Variants in GAB2 observed in about 807,000 individuals in gnomAD.
GAB2 encodes GRB2 associated binding protein 2.
A neutral mutation model predicts 65.5 loss-of-function variants in GAB2; 26 were observed. That is an observed-to-expected ratio of 0.40 (90% confidence interval 0.29 to 0.55). The LOEUF is 0.55. Ranked by LOEUF, GAB2 falls within the 20% of genes least tolerant of loss-of-function variation. The pLI, the probability that GAB2 is intolerant of heterozygous loss-of-function variation, is 0.53. For synonymous variants in GAB2, 321 were observed against 329.6 expected (o/e 0.97, Z 0.28); for missense variants, 884 against 875.8 (o/e 1.01, Z -0.12).
intron 1 of GAB2, among the ~76,000 whole-genome samples, chr11:78,307,767 T>G (rs1289939245): frequency 2.6e-5 from 4 of 152,232 alleles, no homozygotes; most frequent in African/African-American, 9.7e-5. Flanking sequence ...GAGTTATTTT[T>G]TAATACAAAA....
At chr11:78,352,035 A>C (rs1215343810) in intron 1 of GAB2, among the ~76,000 whole-genome samples, 1 of 152,160 alleles carries the variant, frequency 6.6e-6, no homozygotes, top group African/African-American at 2.4e-5. Flanking sequence ...AGCACGGTGA[A>C]ACCCCGCCTC....
chr11:78,233,638 ACT>A (rs1399151879), intron 3 of GAB2, among the ~76,000 whole-genome samples: 1 of 151,782 alleles, frequency 6.6e-6, no homozygotes, highest in Non-Finnish European at 1.5e-5. Context: ...AGTCTTGCTC[ACT>A]CTGTCGCCCA....
chr11:78,373,591 A>T (rs1454787245), intron 1 of GAB2, among the ~76,000 whole-genome samples: 1 of 152,236 alleles, frequency 6.6e-6, no homozygotes, highest in East Asian at 1.9e-4. Flanking sequence ...AAAAAAGGTC[A>T]AAGTTTCTAA....
intron 2 of GAB2, among the ~76,000 whole-genome samples, chr11:78,268,565 AC>A (rs1204158871): frequency 9.2e-5 from 14 of 152,092 alleles, no homozygotes; most frequent in African/African-American, 3.4e-4. Flanking sequence ...GAAGCACTCA[AC>A]CAAAAAAGTA....
At chr11:78,250,462 G>C in intron 2 of GAB2, 62 bp from the exon 3 acceptor site, 1 of 1,448,330 alleles carries the variant, frequency 6.9e-7, no homozygotes, top group Non-Finnish European at 9.7e-7. Context: ...ATCCCAAAGT[G>C]AGTTGTCAGA....
intron 1 of GAB2, among the ~76,000 whole-genome samples, chr11:78,365,180 G>A (rs1426077320): frequency 6.6e-6 from 1 of 152,146 alleles, no homozygotes; most frequent in Non-Finnish European, 1.5e-5. Context: ...ACTAGACACA[G>A]ACAAGAAAAT....
At chr11:78,314,574 C>T (rs149940831) in intron 1 of GAB2, among the ~76,000 whole-genome samples, 98 of 152,306 alleles carry the variant, frequency 6.4e-4, no homozygotes, top group African/African-American at 2.1e-3. Context: ...TAAAACAAGT[C>T]TTCCCTGTCA....
At chr11:78,354,264 G>A (rs2134708617) in intron 1 of GAB2, among the ~76,000 whole-genome samples, 1 of 152,268 alleles carries the variant, frequency 6.6e-6, no homozygotes, top group Non-Finnish European at 1.5e-5. Flanking sequence ...GAGATTCACA[G>A]AAAGGTTTGC....
At chr11:78,283,219 CAT>C (rs1272879478) in intron 1 of GAB2, among the ~76,000 whole-genome samples, 1 of 152,214 alleles carries the variant, frequency 6.6e-6, no homozygotes, top group Non-Finnish European at 1.5e-5. Flanking sequence ...AAAATTTACA[CAT>C]GTTCCATGAC....
intron 3 of GAB2, among the ~76,000 whole-genome samples, chr11:78,230,213 G>C (rs1287890502): frequency 6.6e-6 from 1 of 152,210 alleles, no homozygotes; most frequent in Non-Finnish European, 1.5e-5. Flanking sequence ...CAAACCTTCT[G>C]ATCAGCAGAT....
At chr11:78,359,887 T>C (rs1856410073) in intron 1 of GAB2, among the ~76,000 whole-genome samples, 1 of 152,164 alleles carries the variant, frequency 6.6e-6, no homozygotes, top group African/African-American at 2.4e-5. Flanking sequence ...TTATATGACA[T>C]AAAATGTGAT....
Position 78,280,648 on chromosome 11 carries a change from T to G in GAB2, c.329A>C (p.Gln110Pro). 6.2e-7 allele frequency: 1 copy of G among 1,614,200 alleles called. No individual in the cohort carries two copies. Among genetic ancestry groups the G allele is most frequent in the Non-Finnish European group, 8.5e-7 (1 of 1,180,004 alleles). Residue 110 changes from glutamine (Q) to proline (P), a missense_variant, in exon 2 of 10, where the codon CAG (glutamine) becomes CCG (proline). Gln to Pro is a moderately conservative substitution (Grantham distance 76). Transcript: ENST00000361507. ...GAAGCCACAGATCTGGCAGATGCTC[T>G]GGACCCACTTATTCATGTCCTCTTC... is the stretch of plus-strand genomic sequence containing the variant. Reference protein sequence around the residue: ...ETEEDMNKWVQSICQICGFNQ... With the variant: ...ETEEDMNKWVPSICQICGFNQ...
intron 3 of GAB2, among the ~76,000 whole-genome samples, chr11:78,244,665 A>T (rs969110455): frequency 1.0e-5 from 1 of 98,396 alleles, no homozygotes; most frequent in Non-Finnish European, 2.1e-5. Flanking sequence ...ATTCATAGTA[A>T]AAAAAAAAAA....
chr11:78,405,191 C>T (rs1409376827), intron 1 of GAB2, among the ~76,000 whole-genome samples: 3 of 151,226 alleles, frequency 2.0e-5, no homozygotes, highest in Non-Finnish European at 4.4e-5. Context: ...CTCCACCTCC[C>T]CGGTTCACGC....
chr11:78,371,823 GA>G (rs1042607068), intron 1 of GAB2, among the ~76,000 whole-genome samples: 2 of 151,734 alleles, frequency 1.3e-5, no homozygotes, highest in Admixed American at 6.6e-5. Flanking sequence ...CAGAAAGGTA[GA>G]AAAAAAATAA....
In GAB2 at chr11:78,370,725, ATGTGTGTGTG is replaced by A. The variant is rs113823389; in HGVS notation, c.75+46911_75+46920del. Among the ~76,000 whole-genome samples the A allele has an allele frequency of 2.0e-5, 3 of 148,900 alleles. No individual in the cohort carries two copies. The South Asian group carries it at 6.4e-4, about 32-fold the overall frequency. On this transcript the variant is annotated intron_variant, in intron 1 of 9. Transcript: ENST00000361507. The stretch of plus-strand genomic sequence containing the variant: ...TATGTGTGTGTGCGTGTGTGTGTGT[ATGTGTGTGTG>A]TGTGTGTGTGTAAGGGGTAAATGGA...
At chr11:78,414,252 A>G (rs1857165760) in intron 1 of GAB2, among the ~76,000 whole-genome samples, 1 of 151,472 alleles carries the variant, frequency 6.6e-6, no homozygotes. Context: ...GACTGGATTA[A>G]TTTTTTTTTC....
At chr11:78,232,518 C>G (rs986412238) in intron 3 of GAB2, among the ~76,000 whole-genome samples, 1 of 152,224 alleles carries the variant, frequency 6.6e-6, no homozygotes, top group Non-Finnish European at 1.5e-5. Flanking sequence ...GTTCAAAACT[C>G]TTTCCGTTGG....
rs573804469 is a variant in GAB2 at position 78,291,737 on chromosome 11, A to T, written c.76-10836T>A. Among the ~76,000 whole-genome samples the T allele has an allele frequency of 4.7e-3, 674 of 144,690 alleles. 4 individuals are homozygous for T. The highest frequency in any genetic ancestry group is 0.017 in the African/African-American group (653 of 39,446). 94.9% of individuals were successfully genotyped at this position (144,690 alleles called of 152,430 possible). On this transcript the variant is annotated intron_variant, in intron 1 of 9. Transcript: ENST00000361507. ...CAGGATGCGCCATCATACCCAGTTA[A>T]TTTTTTTTTTTAGAGATGGAGTCTC...
Sources: allele counts gnomAD v4.1 joint callset (sites outside exome capture counted in the v4.1 genomes callset), GRCh38; gene constraint gnomAD v4.1.1; transcripts MANE v1.5; gene names NCBI Gene and HGNC (gene_info 2026-07-23, HGNC 2026-07-21).